The following ZNRF3 variants were observed in gnomAD, a reference collection of about 807,000 sequenced individuals.
The protein encoded by ZNRF3 is zinc and ring finger 3, also known as E3 ubiquitin-protein ligase ZNRF3.
A neutral mutation model predicts 72.5 loss-of-function variants in ZNRF3; 23 were observed. The observed-to-expected ratio is 0.32, with a 90% CI of 0.23 to 0.45. ZNRF3 has a LOEUF of 0.45. Ranked by LOEUF, ZNRF3 falls within the 20% of genes least tolerant of loss-of-function variation. The pLI is 1.00. For missense variants in ZNRF3, 1,169 were observed against 1,272.1 expected, an observed-to-expected ratio of 0.92 and a Z score of 1.23; for synonymous variants, 610 against 545.3, an observed-to-expected ratio of 1.12 and a Z score of -1.65.
rs151140564 is a variant in ZNRF3 at position 28,971,870 on chromosome 22, C to G, written c.301-15206C>G. On this transcript the variant is annotated intron_variant, in intron 1 of 8. Coordinates refer to ENST00000544604, the MANE Select transcript of ZNRF3 (RefSeq NM_001206998.2). ...TACAGGTTTACACCACCACACCTGC[C>G]TAAGTTTTTGTATTTTTTGTAGAGA... is the stretch of plus-strand genomic sequence containing the variant. 3.4e-4 allele frequency among the ~76,000 whole-genome samples: 52 copies of G among 152,108 alleles called. 1 individual carries two copies. In the East Asian group the frequency reaches 8.9e-3, roughly 26 times the overall value.
chr22:29,053,557 G>A (rs75475758), intron 8 of ZNRF3, 22 bp from the exon 9 acceptor site: 1 of 1,613,174 alleles, frequency 6.2e-7, no homozygotes, highest in Non-Finnish European at 8.5e-7. Flanking sequence ...CTCCCCTGAT[G>A]ATTGTTCTCT....
intron 1 of ZNRF3, among the ~76,000 whole-genome samples, chr22:28,895,351 G>T (rs554828940): frequency 6.6e-5 from 10 of 152,296 alleles, no homozygotes; most frequent in Middle Eastern, 3.4e-3. Context: ...TCAACTCTGA[G>T]ACTTAATTGT....
At chr22:28,908,959 C>T (rs926346715) in intron 1 of ZNRF3, among the ~76,000 whole-genome samples, 1 of 152,094 alleles carries the variant, frequency 6.6e-6, no homozygotes, top group Admixed American at 6.6e-5. Flanking sequence ...TGTAGTGGCA[C>T]GATCTCGACT....
intron 1 of ZNRF3, among the ~76,000 whole-genome samples, chr22:28,920,896 T>C (rs1169568453): frequency 6.6e-6 from 1 of 152,208 alleles, no homozygotes; most frequent in Non-Finnish European, 1.5e-5. Context: ...CCTCCTTAGC[T>C]CATGGGGGAA....
intron 2 of ZNRF3, among the ~76,000 whole-genome samples, chr22:28,997,812 C>A (rs1010550925): frequency 6.6e-6 from 1 of 151,702 alleles, no homozygotes; most frequent in Non-Finnish European, 1.5e-5. Context: ...TCCAGACCAG[C>A]CTGGGCAACA....
In ZNRF3 at chr22:29,049,759, G is replaced by A. The variant is rs753925100; in HGVS notation, c.1578G>A (p.Thr526=). 10 of 1,595,374 alleles carry A rather than the reference G, an allele frequency of 6.3e-6. No homozygotes were observed. The highest frequency in any genetic ancestry group is 1.7e-5 in the Admixed American group (1 of 59,194). The change falls in exon 8 of 9, where the codon ACG becomes ACA. Residue 526 remains threonine (T), a synonymous_variant. Transcript: ENST00000544604. The surrounding 1 kb of genome is among the most constrained non-coding windows in gnomAD (Gnocchi z 5.2). Reference sequence around the variant, plus strand: ...CCTCCCACCTGGAGAGCGGCAGCACGTCCAGCTTCAGCTGCTATCACGGCC... The same window carrying A: ...CCTCCCACCTGGAGAGCGGCAGCACATCCAGCTTCAGCTGCTATCACGGCC... The part of the protein sequence containing the change: ...APPSHLESGS[T]SSFSCYHGHR...
chr22:28,997,585 A>G (rs925218077), intron 2 of ZNRF3, among the ~76,000 whole-genome samples: 1 of 152,112 alleles, frequency 6.6e-6, no homozygotes, highest in Admixed American at 6.6e-5. Context: ...TGAAGAGCCT[A>G]GATCTTAAAG....
intron 1 of ZNRF3, among the ~76,000 whole-genome samples, chr22:28,963,393 A>G (rs142971114): frequency 1.3e-5 from 2 of 152,268 alleles, no homozygotes; most frequent in Non-Finnish European, 2.9e-5. Flanking sequence ...GAAAGAGCCA[A>G]TAGCCCTTTA....
At chr22:29,031,697 G>T in intron 2 of ZNRF3, 2 of 936,474 alleles carry the variant, frequency 2.1e-6, no homozygotes, top group Non-Finnish European at 1.3e-6. Context: ...AAAGAGCCTG[G>T]GCTCTCTGGC....
Position 29,049,762 on chromosome 22 carries a change from C to G in ZNRF3, c.1581C>G (p.Ser527=). The G allele has an allele frequency of 6.3e-7, 1 of 1,595,466 alleles. No individual in the cohort carries two copies. The highest frequency in any genetic ancestry group is 8.6e-7 in the Non-Finnish European group (1 of 1,168,918). Residue 527 remains serine, a synonymous_variant, in exon 8 of 9, where the codon TCC becomes TCG. Coordinates refer to ENST00000544604, the MANE Select transcript of ZNRF3 (RefSeq NM_001206998.2). The surrounding 1 kb of genome is among the most constrained non-coding windows in gnomAD (Gnocchi z 5.2). ...CCCACCTGGAGAGCGGCAGCACGTC[C>G]AGCTTCAGCTGCTATCACGGCCACC... is the stretch of plus-strand genomic sequence containing the variant. ...PPSHLESGST[S]SFSCYHGHRS... is the part of the protein sequence containing the mutation.
chr22:29,009,343 G>C (rs955958694), intron 2 of ZNRF3, among the ~76,000 whole-genome samples: 1 of 152,140 alleles, frequency 6.6e-6, no homozygotes, highest in Non-Finnish European at 1.5e-5. Context: ...GGGCGTGATG[G>C]TTTTAGCAGG....
chr22:28,977,163 G>T (rs115177581), intron 1 of ZNRF3, among the ~76,000 whole-genome samples: 1 of 152,098 alleles, frequency 6.6e-6, no homozygotes, highest in African/African-American at 2.4e-5. Flanking sequence ...GACTCCAGCC[G>T]AGTGTTCTGA....
At chr22:29,011,624 G>C (rs1434120474) in intron 2 of ZNRF3, among the ~76,000 whole-genome samples, 2 of 152,258 alleles carry the variant, frequency 1.3e-5, no homozygotes, top group Non-Finnish European at 2.9e-5. Context: ...ACACAGCTAA[G>C]CTGGCTGCAG....
At chr22:28,902,184 G>T (rs2034120327) in intron 1 of ZNRF3, among the ~76,000 whole-genome samples, 1 of 152,206 alleles carries the variant, frequency 6.6e-6, no homozygotes, top group African/African-American at 2.4e-5. Context: ...TGATCCACCT[G>T]CCTTGGCCTC....
In ZNRF3 at chr22:29,050,733, G is replaced by C. The variant is rs1267016863; in HGVS notation, c.2552G>C (p.Ser851Thr). Residue 851 changes from serine (S) to threonine (T), a missense_variant, in exon 8 of 9, where the codon AGC becomes ACC. Ser to Thr is a moderately conservative substitution (Grantham distance 58). Around this residue, in one of 2 missense-constraint regions of ZNRF3, gnomAD observed 783 missense variants for 731.4 expected, o/e 1.07. Transcript: ENST00000544604. ...GLPSDCQGTH[S>T]LGSWGGTRGP... ...CCCTCGGACTGCCAAGGGACCCACA[G>C]CCTCGGCTCCTGGGGTGGGACGCGA... 6.2e-7 allele frequency: 1 copy of C among 1,610,604 alleles called. No individual in the cohort carries two copies. Among genetic ancestry groups the C allele is most frequent in the Non-Finnish European group, 8.5e-7 (1 of 1,178,734 alleles).
intron 1 of ZNRF3, among the ~76,000 whole-genome samples, chr22:28,913,921 C>T (rs1278189427): frequency 6.6e-6 from 1 of 152,092 alleles, no homozygotes; most frequent in Non-Finnish European, 1.5e-5. Flanking sequence ...GGAGTCCCCC[C>T]GACCCCTGCA....
At chr22:28,981,294 G>A (rs981537133) in intron 1 of ZNRF3, among the ~76,000 whole-genome samples, 2 of 152,230 alleles carry the variant, frequency 1.3e-5, no homozygotes, top group Non-Finnish European at 2.9e-5. Context: ...ATTCTCTACA[G>A]ATGATTGTTA....
intron 1 of ZNRF3, among the ~76,000 whole-genome samples, chr22:28,900,874 G>T (rs1253387014): frequency 6.6e-6 from 1 of 152,154 alleles, no homozygotes; most frequent in Non-Finnish European, 1.5e-5. Context: ...AGGAGGCTGA[G>T]GTGGGATGAT....
chr22:29,051,844 G>A (rs1360242477), intron 8 of ZNRF3, among the ~76,000 whole-genome samples: 1 of 148,620 alleles, frequency 6.7e-6, no homozygotes, highest in African/African-American at 2.5e-5. Context: ...GGCGGAGGTT[G>A]CAGTGAGCCG....
Sources: allele counts gnomAD v4.1 joint callset (sites outside exome capture counted in the v4.1 genomes callset), GRCh38; gene constraint gnomAD v4.1.1; regional missense constraint gnomAD v4.1.1; non-coding constraint Gnocchi (gnomAD v3.1); transcripts MANE v1.5; gene names NCBI Gene and HGNC (gene_info 2026-07-23, HGNC 2026-07-21).